The following UBE2E2 variants were observed in gnomAD, a reference collection of about 807,000 sequenced individuals.
The protein encoded by UBE2E2 is ubiquitin conjugating enzyme E2 E2, also known as ubiquitin-conjugating enzyme E2 E2.
Under a neutral mutation model 24.7 loss-of-function variants are expected in UBE2E2, and 6 were observed. The ratio of observed to expected loss-of-function variants is 0.24; its 90% CI spans 0.13 to 0.48. The LOEUF (loss-of-function observed/expected upper bound fraction) is 0.48. Among genes scored for constraint, UBE2E2 ranks in the 20% least tolerant of loss-of-function variants. The pLI, the probability that UBE2E2 is intolerant of heterozygous loss-of-function variation, is 0.99. For synonymous variants in UBE2E2, 104 were observed against 83.6 expected (o/e 1.24, Z -1.33); for missense variants, 169 against 245.0 (o/e 0.69, Z 2.07).
intron 4 of UBE2E2, among the ~76,000 whole-genome samples, chr3:23,506,832 C>T (rs1165434363): frequency 1.3e-5 from 2 of 152,114 alleles, no homozygotes; most frequent in African/African-American, 2.4e-5. Flanking sequence ...GGGGTTTCGC[C>T]ATGTTGCCCA....
chr3:23,481,256 T>A (rs535598650), intron 3 of UBE2E2, among the ~76,000 whole-genome samples: 31 of 152,364 alleles, frequency 2.0e-4, no homozygotes, highest in African/African-American at 7.5e-4. Flanking sequence ...AACATTTCTA[T>A]CCTTTCAAAT....
At chr3:23,522,148 T>TTAGGCA (rs58369100) in intron 4 of UBE2E2, among the ~76,000 whole-genome samples, 330 of 114,714 alleles carry the variant, frequency 2.9e-3, no homozygotes, top group Middle Eastern at 8.9e-3. Context: ...TTTTTTTTTT[T>TTAGGCA]GAGGCAGAGT....
At chr3:23,251,923 G>C (rs1697586007) in intron 3 of UBE2E2, among the ~76,000 whole-genome samples, 1 of 152,144 alleles carries the variant, frequency 6.6e-6, no homozygotes, top group Non-Finnish European at 1.5e-5. Context: ...TCATCACTCA[G>C]ATTAATTTCC....
chr3:23,436,305 C>T (rs550081325), intron 3 of UBE2E2, among the ~76,000 whole-genome samples: 1 of 152,304 alleles, frequency 6.6e-6, no homozygotes, highest in East Asian at 1.9e-4. Context: ...TTTCATGACT[C>T]CAGTGCCCAG....
chr3:23,254,505 T>C (rs534058096), intron 3 of UBE2E2, among the ~76,000 whole-genome samples: 2 of 152,340 alleles, frequency 1.3e-5, no homozygotes, highest in Admixed American at 1.3e-4. Flanking sequence ...AAAAAGCCTG[T>C]GTTCTCAAGG....
chr3:23,269,224 CT>C (rs58260128), intron 3 of UBE2E2, among the ~76,000 whole-genome samples: 27,727 of 152,072 alleles, frequency 0.18, 2,672 homozygotes, highest in Non-Finnish European at 0.21. Context: ...AACTAAAGAA[CT>C]TCTGCACAGC....
At chr3:23,497,424 T>C (rs1199885933) in intron 3 of UBE2E2, among the ~76,000 whole-genome samples, 2 of 152,250 alleles carry the variant, frequency 1.3e-5, no homozygotes, top group African/African-American at 4.8e-5. Flanking sequence ...TTTAAGCAGC[T>C]ATTGGCAATA....
intron 3 of UBE2E2, among the ~76,000 whole-genome samples, chr3:23,320,073 A>C (rs1231222734): frequency 6.6e-6 from 1 of 152,168 alleles, no homozygotes; most frequent in Admixed American, 6.5e-5. Context: ...TGCCCATGGG[A>C]AAGCCAGGCT....
intron 4 of UBE2E2, among the ~76,000 whole-genome samples, chr3:23,514,189 A>T (rs1160575038): frequency 6.6e-6 from 1 of 152,072 alleles, no homozygotes; most frequent in African/African-American, 2.4e-5. Context: ...ATACCTTCTC[A>T]TTGTTCAGGA....
At chr3:23,505,056 C>T (rs1246325209) in intron 4 of UBE2E2, among the ~76,000 whole-genome samples, 2 of 150,508 alleles carry the variant, frequency 1.3e-5, no homozygotes, top group African/African-American at 2.5e-5. Flanking sequence ...CAGGCACACA[C>T]CACCACACCT....
chr3:23,561,520 T>C (rs1695928706), intron 5 of UBE2E2, among the ~76,000 whole-genome samples: 1 of 152,168 alleles, frequency 6.6e-6, no homozygotes, highest in Non-Finnish European at 1.5e-5. Flanking sequence ...CCTCCAGCTT[T>C]GTTCTTTTGG....
intron 3 of UBE2E2, among the ~76,000 whole-genome samples, chr3:23,336,796 C>G (rs1018637504): frequency 1.3e-5 from 2 of 152,224 alleles, no homozygotes; most frequent in Admixed American, 6.5e-5. Flanking sequence ...TGGCCATAAG[C>G]TCATTATGTT....
chr3:23,278,786 A>T (rs116763566), intron 3 of UBE2E2, among the ~76,000 whole-genome samples: 398 of 152,292 alleles, frequency 2.6e-3, no homozygotes, highest in African/African-American at 9.1e-3. Context: ...AAAAGAATTG[A>T]TTCATGGTAG....
chr3:23,301,549 C>G (rs1699092674), intron 3 of UBE2E2, among the ~76,000 whole-genome samples: 1 of 152,208 alleles, frequency 6.6e-6, no homozygotes, highest in African/African-American at 2.4e-5. Context: ...GAGGTCCACT[C>G]CAGACCCTGT....
At chr3:23,535,760 C>T (rs1353420348) in intron 5 of UBE2E2, among the ~76,000 whole-genome samples, 1 of 151,074 alleles carries the variant, frequency 6.6e-6, no homozygotes. Context: ...GTAGCTGGGT[C>T]TACAGGCCCC....
downstream of UBE2E2, chr3:23,591,908 A>G (rs1696773003): frequency 6.6e-6 from 1 of 152,334 alleles, no homozygotes; most frequent in Non-Finnish European, 1.5e-5. Flanking sequence ...CATTGAAAAT[A>G]AAATTTTATT....
chr3:23,233,660 A>G (rs753860464), intron 3 of UBE2E2, among the ~76,000 whole-genome samples: 46 of 152,208 alleles, frequency 3.0e-4, no homozygotes, highest in Non-Finnish European at 4.6e-4. Context: ...TTATAATAAC[A>G]AAAGAACCTC....
chr3:23,493,818 A>AT (rs1425405859), intron 3 of UBE2E2, among the ~76,000 whole-genome samples: 1 of 152,150 alleles, frequency 6.6e-6, no homozygotes, highest in East Asian at 1.9e-4. Flanking sequence ...TCCTGAAACC[A>AT]TTCTTATAAA....
At chr3:23,311,650 G>A (rs1446004552) in intron 3 of UBE2E2, among the ~76,000 whole-genome samples, 1 of 152,138 alleles carries the variant, frequency 6.6e-6, no homozygotes, top group Non-Finnish European at 1.5e-5. Context: ...CATTTCCAGT[G>A]CTAACATGTT....
Sources: allele counts gnomAD v4.1 joint callset (sites outside exome capture counted in the v4.1 genomes callset), GRCh38; gene constraint gnomAD v4.1.1; transcripts MANE v1.5; gene names NCBI Gene and HGNC (gene_info 2026-07-23, HGNC 2026-07-21).